The following CCDC178 variants were observed in gnomAD, a reference collection of about 807,000 sequenced individuals.
The protein encoded by CCDC178 is coiled-coil domain containing 178.
A neutral mutation model predicts 117.4 loss-of-function variants in CCDC178; 126 were observed. The observed-to-expected ratio is 1.07, with a 90% confidence interval of 0.93 to 1.24. The LOEUF is 1.24. Among genes scored for constraint, CCDC178 ranks in the 50% most tolerant of loss-of-function variants. The pLI is 0.00. For synonymous variants in CCDC178, 283 were observed against 313.4 expected (o/e 0.90, Z 1.02); for missense variants, 1,030 against 986.9 (o/e 1.04, Z -0.59).
chr18:33,262,216 C>CA (rs1446370940), intron 14 of CCDC178, among the ~76,000 whole-genome samples: 13 of 152,184 alleles, frequency 8.5e-5, no homozygotes, highest in African/African-American at 2.9e-4. Context: ...AAAATATTTG[C>CA]CTGATAATTT....
intron 5 of CCDC178, among the ~76,000 whole-genome samples, chr18:33,372,624 C>A (rs1282983582): frequency 6.6e-6 from 1 of 152,034 alleles, no homozygotes; most frequent in Non-Finnish European, 1.5e-5. Context: ...AGAATTAATG[C>A]ATAAAAGACA....
At chr18:33,335,645 T>C (rs1354027338) in intron 9 of CCDC178, among the ~76,000 whole-genome samples, 2 of 152,066 alleles carry the variant, frequency 1.3e-5, no homozygotes, top group Admixed American at 6.6e-5. Flanking sequence ...TAACCAATTA[T>C]TAAATTAATT....
intron 18 of CCDC178, among the ~76,000 whole-genome samples, chr18:33,220,197 C>A (rs2059214305): frequency 6.6e-6 from 1 of 152,064 alleles, no homozygotes; most frequent in African/African-American, 2.4e-5. Context: ...AAATCCCAGT[C>A]TCTACTTTGT....
chr18:33,121,749 T>C (rs2144214904), intron 20 of CCDC178, among the ~76,000 whole-genome samples: 1 of 152,250 alleles, frequency 6.6e-6, no homozygotes, highest in South Asian at 2.1e-4. Flanking sequence ...TTCTTCTGCA[T>C]TTCAGGAACC....
intron 12 of CCDC178, 69 bp downstream of exon 12, chr18:33,293,090 C>T: frequency 8.9e-7 from 1 of 1,117,688 alleles, no homozygotes; most frequent in Non-Finnish European, 1.2e-6. Flanking sequence ...TAATTATTGA[C>T]AAAAAAGTTT....
intron 7 of CCDC178, among the ~76,000 whole-genome samples, chr18:33,353,553 G>T (rs7505632): frequency 0.43 from 64,573 of 151,576 alleles, 15,303 homozygotes; most frequent in African/African-American, 0.65. Context: ...TTCCTGTACT[G>T]TCTAAAATAG....
At position 33,344,450 on chromosome 18, in the gene CCDC178, C is replaced by T. The variant is rs565704594; in HGVS notation, c.658+1761G>A. ...ATCTTGTATTGATTAAAAGGTAACC[C>T]AACAATAAGTTGTCACCCATAACAA... On this transcript the variant is annotated intron_variant, in intron 9 of 22. Coordinates refer to ENST00000383096, the MANE Select transcript of CCDC178 (RefSeq NM_001105528.4). Among the ~76,000 whole-genome samples, 5 of 151,524 alleles carry T rather than the reference C, an allele frequency of 3.3e-5. No homozygotes were observed. The South Asian group carries it at 6.2e-4, about 19-fold the overall frequency.
intron 14 of CCDC178, among the ~76,000 whole-genome samples, chr18:33,247,093 T>TGTGTGAGA (rs557237712): frequency 6.8e-6 from 1 of 148,104 alleles, no homozygotes; most frequent in Non-Finnish European, 1.5e-5. Context: ...TGTGTGTGTG[T>TGTGTGAGA]GAGAGAGAGA....
intron 11 of CCDC178, chr18:33,323,260 T>C (rs551023848): frequency 3.9e-6 from 1 of 255,698 alleles, no homozygotes; most frequent in African/African-American, 2.2e-5. Context: ...TATGAAGAGC[T>C]TTAAGATGAC....
In CCDC178 at chr18:33,146,236, G is replaced by A. The variant is rs543016934; in HGVS notation, c.2239-53326C>T. 1.3e-4 allele frequency among the ~76,000 whole-genome samples: 20 copies of A among 152,284 alleles called. No homozygotes were observed. In the South Asian group the frequency reaches 2.1e-3, roughly 16 times the overall value. ...TGTTGGTTACTGCTAGCTGTGTTTC[G>A]CAAAGTATTACAAGAAAGATGATTC... On this transcript the variant is annotated intron_variant, in intron 20 of 22. Coordinates refer to ENST00000383096, the MANE Select transcript of CCDC178 (RefSeq NM_001105528.4).
chr18:33,089,697 C>T (rs796962230), intron 21 of CCDC178, among the ~76,000 whole-genome samples: 32 of 152,320 alleles, frequency 2.1e-4, no homozygotes, highest in African/African-American at 7.7e-4. Flanking sequence ...ACTTACCTTT[C>T]TGTGCAGGCA....
chr18:33,088,311 G>T (rs1402535738), intron 21 of CCDC178, among the ~76,000 whole-genome samples: 4 of 149,730 alleles, frequency 2.7e-5, no homozygotes, highest in African/African-American at 7.5e-5. Flanking sequence ...AGAATTGATT[G>T]ATATTCACAA....
chr18:33,143,392 G>C (rs549874342), intron 20 of CCDC178, among the ~76,000 whole-genome samples: 3 of 152,112 alleles, frequency 2.0e-5, no homozygotes, highest in South Asian at 4.1e-4. Flanking sequence ...ATTTGGCTAC[G>C]TGTTCTCATC....
intron 14 of CCDC178, among the ~76,000 whole-genome samples, chr18:33,257,301 G>T (rs1174181049): frequency 6.6e-6 from 1 of 152,028 alleles, no homozygotes; most frequent in Non-Finnish European, 1.5e-5. Flanking sequence ...CTTTCACCCA[G>T]GTCCCAGAAG....
Position 33,293,159 on chromosome 18 carries a change from C to A in CCDC178, c.1176G>T (p.Met392Ile). 6.5e-7 allele frequency: 1 copy of A among 1,548,986 alleles called. No homozygotes were observed. The highest frequency in any genetic ancestry group is 8.8e-7 in the Non-Finnish European group (1 of 1,142,796). ...SKNELHSLSKMLEDLRRVYDQ... is the reference protein window; with the variant it reads ...SKNELHSLSKILEDLRRVYDQ... ...TTTATTTCTAATATGAAAAACTCAC[C>A]ATTTTTGATAGAGAATGTAATTCAT... The change falls in exon 12 of 23, where the codon ATG becomes ATT. Residue 392 changes from methionine (M) to isoleucine (I), a missense_variant and splice_region_variant. Coordinates refer to ENST00000383096, the MANE Select transcript of CCDC178 (RefSeq NM_001105528.4).
chr18:32,983,325 G>C (rs867148150), intron 21 of CCDC178: 2 of 1,531,872 alleles, frequency 1.3e-6, no homozygotes, highest in Non-Finnish European at 1.7e-6. Context: ...AGAGAGTTTG[G>C]AAGTTTCTTA....
chr18:33,296,523 G>A (rs2062108222), intron 11 of CCDC178, among the ~76,000 whole-genome samples: 1 of 152,110 alleles, frequency 6.6e-6, no homozygotes, highest in Non-Finnish European at 1.5e-5. Context: ...GGAAGAAGCT[G>A]GAGGAAGGGT....
intron 3 of CCDC178, among the ~76,000 whole-genome samples, chr18:33,403,154 G>A (rs1024300616): frequency 6.6e-6 from 1 of 152,146 alleles, no homozygotes; most frequent in African/African-American, 2.4e-5. Context: ...TGTGCCAGAA[G>A]GAAAGGCTAA....
At chr18:33,021,519 G>A (rs577904804) in intron 21 of CCDC178, among the ~76,000 whole-genome samples, 2 of 152,136 alleles carry the variant, frequency 1.3e-5, no homozygotes, top group South Asian at 2.1e-4. Context: ...CCAACATGGC[G>A]AACACTGTTT....
Sources: allele counts gnomAD v4.1 joint callset (sites outside exome capture counted in the v4.1 genomes callset), GRCh38; gene constraint gnomAD v4.1.1; transcripts MANE v1.5; gene names NCBI Gene and HGNC (gene_info 2026-07-23, HGNC 2026-07-21).